PLEKHM3: variants seen among roughly 807,000 people sequenced by gnomAD.
PLEKHM3 encodes the protein pleckstrin homology domain containing M3.
A neutral mutation model predicts 81.8 loss-of-function variants in PLEKHM3; 45 were observed. That is an observed-to-expected ratio of 0.55 (90% CI 0.43 to 0.71). PLEKHM3 has a LOEUF of 0.71. PLEKHM3 is among the 30% of genes least tolerant of loss of function. PLEKHM3 has a pLI of 0.00. For synonymous variants in PLEKHM3, 352 were observed against 356.4 expected, an observed-to-expected ratio of 0.99 and a Z score of 0.14; for missense variants, 788 against 924.3, an observed-to-expected ratio of 0.85 and a Z score of 1.91.
At chr2:207,880,237 T>A (rs1040262972) in intron 6 of PLEKHM3, among the ~76,000 whole-genome samples, 13 of 151,800 alleles carry the variant, frequency 8.6e-5, no homozygotes, top group Admixed American at 4.6e-4. Context: ...CAAAACCCCA[T>A]CTCTACTAAA....
intron 1 of PLEKHM3, among the ~76,000 whole-genome samples, chr2:208,004,518 T>C (rs1188463759): frequency 2.0e-5 from 3 of 152,140 alleles, no homozygotes; most frequent in Non-Finnish European, 4.4e-5. Flanking sequence ...GACAAGGAAA[T>C]TGGCCTTTGG....
At chr2:207,896,801 A>G (rs771233300) in intron 6 of PLEKHM3, among the ~76,000 whole-genome samples, 16 of 152,356 alleles carry the variant, frequency 1.1e-4, no homozygotes, top group Admixed American at 3.9e-4. Context: ...GTTTCTGCCA[A>G]CATTTCAGTC....
chr2:207,922,241 CT>C (rs1157833296), intron 5 of PLEKHM3, among the ~76,000 whole-genome samples: 2 of 152,132 alleles, frequency 1.3e-5, no homozygotes, highest in African/African-American at 4.8e-5. Context: ...TTTAGTGATG[CT>C]TTCTCTTCTT....
At chr2:207,841,448 C>CAA (rs1206603074) in intron 7 of PLEKHM3, among the ~76,000 whole-genome samples, 32 of 21,472 alleles carry the variant, frequency 1.5e-3, no homozygotes, top group South Asian at 2.7e-3. Context: ...GACTCCATCT[C>CAA]AAAAAAAAAA....
At chr2:207,984,967 T>A (rs1691666917) in intron 2 of PLEKHM3, among the ~76,000 whole-genome samples, 1 of 152,170 alleles carries the variant, frequency 6.6e-6, no homozygotes, top group African/African-American at 2.4e-5. Flanking sequence ...TGGTTCTTGG[T>A]GGCTTTTTGG....
intron 3 of PLEKHM3, among the ~76,000 whole-genome samples, chr2:207,953,123 G>GA (rs1199920553): frequency 1.3e-5 from 2 of 151,590 alleles, no homozygotes; most frequent in African/African-American, 2.4e-5. Flanking sequence ...GGGAAATCCG[G>GA]AAAAAATCAA....
chr2:207,973,598 G>A (rs1364147099), intron 3 of PLEKHM3, among the ~76,000 whole-genome samples: 1 of 152,114 alleles, frequency 6.6e-6, no homozygotes, highest in African/African-American at 2.4e-5. Context: ...AATTAGCCAG[G>A]CGTGGTGGCG....
Position 207,931,053 on chromosome 2 carries a change from C to G in PLEKHM3, c.1759G>C (p.Glu587Gln). Reference sequence around the variant, plus strand: ...GCGTGGTGGTACAGCATGGCGTTCTCCTGCTGGATGTCGATGAGCGGCTCT... The same window carrying G: ...GCGTGGTGGTACAGCATGGCGTTCTGCTGCTGGATGTCGATGAGCGGCTCT... Reference protein sequence around the residue: ...YEEPLIDIQQENAMLYHHAEP... With the variant: ...YEEPLIDIQQQNAMLYHHAEP... Residue 587 changes from glutamate to glutamine, a missense_variant, in exon 5 of 8, where the codon GAG becomes CAG. Coordinates refer to ENST00000427836, the MANE Select transcript of PLEKHM3 (RefSeq NM_001080475.3). 1 of 1,614,088 alleles carries G rather than the reference C, an allele frequency of 6.2e-7. No individual in the cohort carries two copies. Among genetic ancestry groups the G allele is most frequent in the South Asian group, 1.1e-5 (1 of 91,078 alleles).
intron 7 of PLEKHM3, among the ~76,000 whole-genome samples, chr2:207,844,176 T>G (rs1279041818): frequency 1.3e-5 from 2 of 152,140 alleles, no homozygotes; most frequent in Admixed American, 1.3e-4. Context: ...GATCTTTCAG[T>G]CTAAGTTAAA....
At chr2:208,013,455 G>C (rs1241091680) in intron 1 of PLEKHM3, among the ~76,000 whole-genome samples, 1 of 151,898 alleles carries the variant, frequency 6.6e-6, no homozygotes, top group African/African-American at 2.4e-5. Flanking sequence ...GGCGGAGGTT[G>C]TGGTGAGCCG....
At chr2:207,993,114 A>G (rs763604153) in intron 2 of PLEKHM3, among the ~76,000 whole-genome samples, 9 of 152,150 alleles carry the variant, frequency 5.9e-5, no homozygotes, top group Non-Finnish European at 1.0e-4. Context: ...CTTAGCCAAA[A>G]AGAAAAAAAA....
intron 7 of PLEKHM3, among the ~76,000 whole-genome samples, chr2:207,839,684 G>A (rs1275516776): frequency 6.6e-6 from 1 of 152,136 alleles, no homozygotes; most frequent in East Asian, 1.9e-4. Context: ...TGTAATTCCA[G>A]CACTTTTGAG....
intron 7 of PLEKHM3, among the ~76,000 whole-genome samples, chr2:207,858,166 G>GTGTGTA (rs2092446326): frequency 9.5e-6 from 1 of 104,890 alleles, no homozygotes. Flanking sequence ...GTGTGTGTGT[G>GTGTGTA]TGTGTGTGTA....
At chr2:207,829,385 T>C (rs2092271887) in intron 7 of PLEKHM3, among the ~76,000 whole-genome samples, 1 of 152,148 alleles carries the variant, frequency 6.6e-6, no homozygotes, top group Non-Finnish European at 1.5e-5. Flanking sequence ...CAAGTGATCC[T>C]CCCACCTCAG....
rs776387494 is a variant in PLEKHM3, at chr2:207,826,446, G to A, written c.*1873C>T. 1 of 152,184 alleles carries A rather than the reference G, an allele frequency of 6.6e-6. No homozygotes were observed. The highest frequency in any genetic ancestry group is 2.4e-5 in the African/African-American group (1 of 41,436). The allele number at this position is 152,184 out of a possible 1,614,324, so 9.4% of individuals were successfully genotyped here. ...TGCTTTTCTAAGGGTAAAAGGCACC[G>A]TCAGGCGTCTCATGAATAGGGCCCT... On this transcript the variant is annotated 3_prime_UTR_variant, in exon 8 of 8. Transcript: ENST00000427836.
chr2:207,998,606 C>A (rs146849449), intron 2 of PLEKHM3, among the ~76,000 whole-genome samples: 4 of 152,272 alleles, frequency 2.6e-5, no homozygotes, highest in African/African-American at 9.6e-5. Context: ...TTTCAAACTA[C>A]CACTCAGTTC....
intron 2 of PLEKHM3, among the ~76,000 whole-genome samples, chr2:207,993,842 T>A (rs1691982626): frequency 1.3e-5 from 2 of 152,182 alleles, no homozygotes; most frequent in Non-Finnish European, 1.5e-5. Context: ...TCTTTAAAAA[T>A]TTTTTATTTT....
chr2:207,901,420 T>C (rs1295096130), intron 6 of PLEKHM3: 2 of 692,968 alleles, frequency 2.9e-6, no homozygotes, highest in Non-Finnish European at 5.3e-6. Flanking sequence ...ACCAGAAAAC[T>C]AGTAGTTATG....
intron 6 of PLEKHM3, among the ~76,000 whole-genome samples, chr2:207,890,685 C>T (rs1461295906): frequency 6.6e-6 from 1 of 152,054 alleles, no homozygotes; most frequent in Non-Finnish European, 1.5e-5. Flanking sequence ...ATAGAAAAGG[C>T]CATCATTTAA....
Sources: gnomAD v4.1 joint callset for allele counts (sites outside exome capture counted in the v4.1 genomes callset) on GRCh38, gnomAD v4.1.1 for gene constraint, MANE v1.5 for transcripts, NCBI Gene and HGNC (gene_info 2026-07-23, HGNC 2026-07-21) for gene names.